The following CTXN3 variants were observed in gnomAD, a reference collection of about 807,000 sequenced individuals.
The protein encoded by CTXN3 is cortexin-3.
Under a neutral mutation model 5.0 loss-of-function variants are expected in CTXN3, and 4 were observed. That is an observed-to-expected ratio of 0.79 (90% CI 0.39 to 1.82). The LOEUF (loss-of-function observed/expected upper bound fraction) is 1.82, where lower values mean the gene tolerates loss of function less well. Among genes scored for constraint, CTXN3 ranks in the 40% most tolerant of loss-of-function variants. CTXN3 has a pLI of 0.04. For synonymous variants in CTXN3, 48 were observed against 38.6 expected (o/e 1.24, Z -0.91); for missense variants, 89 against 99.7 (o/e 0.89, Z 0.46).
intron 1 of CTXN3, chr5:127,651,971 A>G (rs1243850152): frequency 2.6e-5 from 4 of 152,222 alleles, no homozygotes; most frequent in African/African-American, 9.6e-5. Flanking sequence ...GTACATGTTG[A>G]CATTAATAGT....
At position 127,657,815 on chromosome 5, in the gene CTXN3, C is replaced by T. The variant is rs1361603346; in HGVS notation, c.*48C>T. The stretch of plus-strand genomic sequence containing the variant: ...CCTGAGGAGATGAAGTGCTTTGTGT[C>T]TTGGTGAGGATTCCCTTTATTTAGT... On this transcript the variant is annotated 3_prime_UTR_variant, in exon 3 of 3. Transcript: ENST00000379445. The T allele has an allele frequency of 3.1e-6, 5 of 1,604,704 alleles. No homozygotes were observed. The highest frequency in any genetic ancestry group is 4.3e-6 in the Non-Finnish European group (5 of 1,173,528).
chr5:127,656,822 A>G (rs1432651678), intron 2 of CTXN3, among the ~76,000 whole-genome samples: 1 of 152,186 alleles, frequency 6.6e-6, no homozygotes, highest in African/African-American at 2.4e-5. Context: ...TTTACAGCTT[A>G]GTGACCTCTC....
Position 127,657,737 on chromosome 5 carries a change from G to A in CTXN3, c.216G>A (p.Glu72=). Residue 72 remains glutamate, a synonymous_variant, in exon 3 of 3, where the codon GAG becomes GAA. Coordinates refer to ENST00000379445, the MANE Select transcript of CTXN3 (RefSeq NM_001048252.3). The part of the protein sequence containing the change: ...STWADGLEGL[E]KGQFDHALA ...GGGCTGATGGACTTGAAGGCCTGGA[G>A]AAAGGGCAGTTCGACCATGCCCTTG... is the stretch of plus-strand genomic sequence containing the variant. 4 of 1,614,206 alleles carry A rather than the reference G, an allele frequency of 2.5e-6. No individual in the cohort carries two copies. The highest frequency in any genetic ancestry group is 2.2e-5 in the South Asian group (2 of 91,078).
intron 2 of CTXN3, among the ~76,000 whole-genome samples, chr5:127,655,451 G>A (rs990548505): frequency 3.9e-5 from 6 of 152,208 alleles, no homozygotes; most frequent in African/African-American, 1.4e-4. Flanking sequence ...AAAGCAAGGA[G>A]TATGTCAGGG....
At chr5:127,650,105 G>A (rs1188510893) in intron 1 of CTXN3, among the ~76,000 whole-genome samples, 1 of 152,100 alleles carries the variant, frequency 6.6e-6, no homozygotes, top group Non-Finnish European at 1.5e-5. Flanking sequence ...AGATGGGGAA[G>A]AAGTAAAGCT....
chr5:127,657,654 A>G lies in CTXN3; in HGVS notation c.133A>G (p.Ile45Val). 1 of 1,614,148 alleles carries G rather than the reference A, an allele frequency of 6.2e-7. No homozygotes were observed. Among genetic ancestry groups the G allele is most frequent in the Admixed American group, 1.7e-5 (1 of 60,030 alleles). The change falls in exon 3 of 3, where the codon ATT becomes GTT. Residue 45 changes from isoleucine to valine, a missense_variant. Coordinates refer to ENST00000379445, the MANE Select transcript of CTXN3 (RefSeq NM_001048252.3). ...ILLFIFLGIL[I>V]VRCFRILLDP... Reference sequence around the variant, plus strand: ...GTTGTTTATTTTCTTGGGCATTCTCATTGTCCGGTGCTTCCGGATTCTTTT... The same window carrying G: ...GTTGTTTATTTTCTTGGGCATTCTCGTTGTCCGGTGCTTCCGGATTCTTTT...
In CTXN3 at chr5:127,657,984, T is replaced by G. The variant is rs1749955069; in HGVS notation, c.*217T>G. On this transcript the variant is annotated 3_prime_UTR_variant, in exon 3 of 3. Transcript: ENST00000379445. ...AATCCAACATAAGAAGGTTTAAATT[T>G]TTATGTTTGCTCAATGAATGAGTAC... The G allele has an allele frequency of 1.8e-6, 1 of 563,636 alleles. No individual in the cohort carries two copies. The highest frequency in any genetic ancestry group is 3.2e-6 in the Non-Finnish European group (1 of 313,718). 34.9% of individuals were successfully genotyped at this position (563,636 alleles called of 1,614,324 possible). A position where few individuals can be genotyped will look rare whatever the true frequency, so the allele number is the denominator to read the frequency against.
intron 2 of CTXN3, among the ~76,000 whole-genome samples, chr5:127,655,749 AT>A (rs990496634): frequency 3.3e-5 from 5 of 152,164 alleles, no homozygotes; most frequent in African/African-American, 1.2e-4. Flanking sequence ...TAAAGAGCTT[AT>A]TTTTTTAAAA....
At chr5:127,650,218 G>T (rs977557148) in intron 1 of CTXN3, among the ~76,000 whole-genome samples, 1 of 152,134 alleles carries the variant, frequency 6.6e-6, no homozygotes, top group Non-Finnish European at 1.5e-5. Context: ...CCAAGCAGAC[G>T]TGTCTGCAGG....
chr5:127,657,776 G>C lies in CTXN3; in HGVS notation c.*9G>C. 5 of 1,613,988 alleles carry C rather than the reference G, an allele frequency of 3.1e-6. No individual in the cohort carries two copies. The highest frequency in any genetic ancestry group is 4.2e-6 in the Non-Finnish European group (5 of 1,179,916). On this transcript the variant is annotated 3_prime_UTR_variant, in exon 3 of 3. Transcript: ENST00000379445. ...ACCATGCCCTTGCTTAGGAGGGATGGTGTGGGATCTCCTCCTGAGGAGATG... is the reference window on the plus strand; with the variant it reads ...ACCATGCCCTTGCTTAGGAGGGATGCTGTGGGATCTCCTCCTGAGGAGATG...
At chr5:127,651,043 G>C (rs757480042) in intron 1 of CTXN3, among the ~76,000 whole-genome samples, 1 of 152,178 alleles carries the variant, frequency 6.6e-6, no homozygotes, top group Non-Finnish European at 1.5e-5. Context: ...AGCATTTTGA[G>C]TAAGTTTGTC....
intron 2 of CTXN3, among the ~76,000 whole-genome samples, chr5:127,657,110 G>A (rs1318563041): frequency 1.3e-5 from 2 of 152,162 alleles, no homozygotes; most frequent in African/African-American, 4.8e-5. Context: ...CTTGGCAGGG[G>A]AGGCTGGGTT....
intron 2 of CTXN3, among the ~76,000 whole-genome samples, chr5:127,656,133 C>T (rs1303901694): frequency 1.3e-5 from 2 of 151,872 alleles, no homozygotes; most frequent in Non-Finnish European, 2.9e-5. Flanking sequence ...TGTTAATTTC[C>T]GTAGCTAATT....
At chr5:127,656,234 AT>A (rs1467064020) in intron 2 of CTXN3, among the ~76,000 whole-genome samples, 8 of 152,122 alleles carry the variant, frequency 5.3e-5, no homozygotes, top group Non-Finnish European at 1.2e-4. Flanking sequence ...ATATACTTTT[AT>A]TTACGATGTG....
intron 1 of CTXN3, among the ~76,000 whole-genome samples, chr5:127,649,653 T>C (rs983072129): frequency 5.3e-5 from 8 of 152,322 alleles, no homozygotes; most frequent in Admixed American, 2.6e-4. Flanking sequence ...ACAGGCTTTT[T>C]TTTCTTTCCT....
In CTXN3 at chr5:127,657,647, C is replaced by T; in HGVS notation, c.126C>T (p.Gly42=). ...TGATTCTGTTGTTTATTTTCTTGGG[C>T]ATTCTCATTGTCCGGTGCTTCCGGA... is the stretch of plus-strand genomic sequence containing the variant. The part of the protein sequence containing the change: ...VFVILLFIFL[G]ILIVRCFRIL... The change falls in exon 3 of 3, where the codon GGC becomes GGT. Residue 42 remains glycine (G), a synonymous_variant. Transcript: ENST00000379445. The T allele has an allele frequency of 6.2e-7, 1 of 1,614,174 alleles. No individual in the cohort carries two copies. The highest frequency in any genetic ancestry group is 8.5e-7 in the Non-Finnish European group (1 of 1,180,026).
At position 127,657,877 on chromosome 5, in the gene CTXN3, C is replaced by T; in HGVS notation, c.*110C>T. ...ATCAAATTTAAACAATATTTGGTCC[C>T]AGGACCATAATCCATTATTCCATAA... On this transcript the variant is annotated 3_prime_UTR_variant, in exon 3 of 3. Coordinates refer to ENST00000379445, the MANE Select transcript of CTXN3 (RefSeq NM_001048252.3). The T allele has an allele frequency of 2.3e-6, 3 of 1,313,152 alleles. No individual in the cohort carries two copies. The highest frequency in any genetic ancestry group is 3.1e-6 in the Non-Finnish European group (3 of 953,160). 81.3% of individuals were successfully genotyped at this position (1,313,152 alleles called of 1,614,324 possible).
At chr5:127,655,629 T>A (rs1214943577) in intron 2 of CTXN3, among the ~76,000 whole-genome samples, 1 of 152,212 alleles carries the variant, frequency 6.6e-6, no homozygotes, top group Non-Finnish European at 1.5e-5. Context: ...TGGCCTCCCT[T>A]CCTGCCCCTC....
Position 127,657,456 on chromosome 5 carries a change from A to G in CTXN3, c.-66A>G. 1 of 1,585,818 alleles carries G rather than the reference A, an allele frequency of 6.3e-7. No homozygotes were observed. Among genetic ancestry groups the G allele is most frequent in the Non-Finnish European group, 8.6e-7 (1 of 1,165,080 alleles). On this transcript the variant is annotated 5_prime_UTR_variant, in exon 3 of 3. Transcript: ENST00000379445. Reference sequence around the variant, plus strand: ...GCCTCTCCAGAGTGCAGCCACCATGACCTCCGCAGATTGATGATGGAAGAA... The same window carrying G: ...GCCTCTCCAGAGTGCAGCCACCATGGCCTCCGCAGATTGATGATGGAAGAA...
Sources: allele counts gnomAD v4.1 joint callset (sites outside exome capture counted in the v4.1 genomes callset), GRCh38; gene constraint gnomAD v4.1.1; transcripts MANE v1.5; gene names NCBI Gene and HGNC (gene_info 2026-07-23, HGNC 2026-07-21).